TTC9: variants seen among roughly 807,000 people sequenced by gnomAD.
The protein encoded by TTC9 is tetratricopeptide repeat protein 9A.
In TTC9, 13 loss-of-function variants were observed where a neutral mutation model predicts 22.9. The ratio of observed to expected loss-of-function variants is 0.57; its 90% CI spans 0.37 to 0.90. The LOEUF (loss-of-function observed/expected upper bound fraction) is 0.90. Ranked by LOEUF, TTC9 falls within the 40% of genes least tolerant of loss-of-function variation. The pLI is 0.01. For synonymous variants in TTC9, 148 were observed against 133.2 expected (o/e 1.11, Z -0.77); for missense variants, 280 against 291.8 (o/e 0.96, Z 0.29).
At chr14:70,670,579 G>A (rs1003784404) in intron 2 of TTC9, among the ~76,000 whole-genome samples, 1 of 152,104 alleles carries the variant, frequency 6.6e-6, no homozygotes, top group African/African-American at 2.4e-5. Flanking sequence ...AACTTGAGAG[G>A]TGGAGTTTGC....
rs1886288753 is a variant in TTC9 at position 70,671,160 on chromosome 14, G to A, written c.*5G>A. On this transcript the variant is annotated 3_prime_UTR_variant, in exon 3 of 3. Coordinates refer to ENST00000256367, the MANE Select transcript of TTC9 (RefSeq NM_015351.2). ...AGAGAAAAAGAAGCCATGTAACCAG[G>A]AAGCAGCTCCAGAGCTGCGCCCACG... 1 of 1,613,204 alleles carries A rather than the reference G, an allele frequency of 6.2e-7. No individual in the cohort carries two copies. The highest frequency in any genetic ancestry group is 8.5e-7 in the Non-Finnish European group (1 of 1,179,530).
chr14:70,661,790 C>T (rs1185053341), intron 1 of TTC9, among the ~76,000 whole-genome samples: 1 of 152,126 alleles, frequency 6.6e-6, no homozygotes, highest in Non-Finnish European at 1.5e-5. Context: ...TAAACACGAC[C>T]CCTCTGTGGG....
At chr14:70,668,506 TTAG>T (rs1390623454) in intron 2 of TTC9, among the ~76,000 whole-genome samples, 2 of 152,134 alleles carry the variant, frequency 1.3e-5, no homozygotes, top group African/African-American at 2.4e-5. Flanking sequence ...AATGAAATAC[TTAG>T]TAGTAATAAA....
In TTC9 at chr14:70,673,358, C is replaced by G. The variant is rs1886322872; in HGVS notation, c.*2203C>G. ...CCCCAAAGGCTTTCAACGGGGGCTACAGGAAGGTGCTAGAAATATTGAGGG... is the reference window on the plus strand; with the variant it reads ...CCCCAAAGGCTTTCAACGGGGGCTAGAGGAAGGTGCTAGAAATATTGAGGG... On this transcript the variant is annotated 3_prime_UTR_variant, in exon 3 of 3. Transcript: ENST00000256367. 1 of 152,224 alleles carries G rather than the reference C, an allele frequency of 6.6e-6. No individual in the cohort carries two copies. The highest frequency in any genetic ancestry group is 1.5e-5 in the Non-Finnish European group (1 of 68,070). The allele number at this position is 152,224 out of a possible 1,614,324, so 9.4% of individuals were successfully genotyped here.
intron 1 of TTC9, among the ~76,000 whole-genome samples, chr14:70,646,774 T>C (rs185795768): frequency 6.6e-6 from 1 of 152,272 alleles, no homozygotes; most frequent in Admixed American, 6.5e-5. Flanking sequence ...AATTGAAGCC[T>C]TGGGATAGGG....
At chr14:70,648,252 T>A (rs575666649) in intron 1 of TTC9, among the ~76,000 whole-genome samples, 2 of 152,122 alleles carry the variant, frequency 1.3e-5, no homozygotes, top group Non-Finnish European at 2.9e-5. Context: ...ATCTTAAGGG[T>A]CAAGTAAATG....
At chr14:70,669,744 C>T (rs764839775) in intron 2 of TTC9, among the ~76,000 whole-genome samples, 3 of 152,204 alleles carry the variant, frequency 2.0e-5, no homozygotes, top group Non-Finnish European at 2.9e-5. Flanking sequence ...CTGTAAGCAG[C>T]TTGAAGACTA....
At chr14:70,663,863 G>A (rs767938258) in intron 1 of TTC9, among the ~76,000 whole-genome samples, 51 of 152,112 alleles carry the variant, frequency 3.4e-4, no homozygotes, top group Non-Finnish European at 6.2e-4. Flanking sequence ...GTGGGTTTCC[G>A]ATGGCTTCAA....
intron 1 of TTC9, among the ~76,000 whole-genome samples, chr14:70,645,722 C>G (rs940170090): frequency 1.3e-5 from 2 of 152,172 alleles, no homozygotes; most frequent in African/African-American, 4.8e-5. Flanking sequence ...GACCCTTCGA[C>G]CAGGTCTGCA....
At chr14:70,662,304 T>A (rs1019101513) in intron 1 of TTC9, among the ~76,000 whole-genome samples, 1 of 151,866 alleles carries the variant, frequency 6.6e-6, no homozygotes, top group African/African-American at 2.4e-5. Flanking sequence ...AACAGCCTCC[T>A]CTGCTCATGA....
intron 1 of TTC9, among the ~76,000 whole-genome samples, chr14:70,661,589 C>T (rs1886145442): frequency 2.0e-5 from 3 of 152,174 alleles, no homozygotes; most frequent in African/African-American, 7.2e-5. Flanking sequence ...TTATCTCATG[C>T]CAGTGGGTGG....
intron 2 of TTC9, among the ~76,000 whole-genome samples, chr14:70,668,766 A>G (rs1886250183): frequency 6.6e-6 from 1 of 150,778 alleles, no homozygotes; most frequent in Non-Finnish European, 1.5e-5. Context: ...CAGAAGGATC[A>G]CCTGAACCTG....
At chr14:70,664,634 CG>C (rs1886188011) in intron 1 of TTC9, among the ~76,000 whole-genome samples, 1 of 151,348 alleles carries the variant, frequency 6.6e-6, no homozygotes, top group Non-Finnish European at 1.5e-5. Context: ...GAGGCTGAGA[CG>C]GGAGAATTGC....
chr14:70,642,389 TGAAGGGGC>T lies in TTC9; in HGVS notation c.261_268del (p.Lys88AlafsTer52). On this transcript the variant is annotated frameshift_variant, in exon 1 of 3. Transcript: ENST00000256367. LOFTEE classifies it high-confidence loss of function. ...AAATACCACCGGGCGTTGCTGGAGC[TGAAGGGGC>T]TGCTGCCGCCCCCCGGGGAACGGGA... 1 of 1,604,146 alleles carries T rather than the reference TGAAGGGGC, an allele frequency of 6.2e-7. No homozygotes were observed. The highest frequency in any genetic ancestry group is 1.1e-5 in the South Asian group (1 of 89,368).
rs3742852 is a variant in TTC9 at position 70,642,559 on chromosome 14, G to A, written c.406+24G>A. 6.7e-4 allele frequency: 1,027 copies of A among 1,522,430 alleles called. 7 individuals are homozygous for A. In the African/African-American group the frequency reaches 0.013, roughly 20 times the overall value. 94.3% of individuals were successfully genotyped at this position (1,522,430 alleles called of 1,614,324 possible). A position where few individuals can be genotyped will look rare whatever the true frequency, so the allele number is the denominator to read the frequency against. ...AGGTGAGCCGCGCCGCGCCCCCCGC[G>A]CCGCGGTCCCCGTTCTTCGGCCCGG... On this transcript the variant is annotated intron_variant, in intron 1 of 2. Coordinates refer to ENST00000256367, the MANE Select transcript of TTC9 (RefSeq NM_015351.2).
intron 1 of TTC9, among the ~76,000 whole-genome samples, chr14:70,660,983 A>G (rs1959482): frequency 0.26 from 40,138 of 152,058 alleles, 5,492 homozygotes; most frequent in East Asian, 0.47. Flanking sequence ...CTGCTGTAAT[A>G]TCACACACTG....
In TTC9 at chr14:70,642,127, C is replaced by G; in HGVS notation, c.-3C>G. 8.8e-7 allele frequency: 1 copy of G among 1,131,892 alleles called. No individual in the cohort carries two copies. The highest frequency in any genetic ancestry group is 1.1e-6 in the Non-Finnish European group (1 of 922,122). The allele number at this position is 1,131,892 out of a possible 1,614,324, so 70.1% of individuals were successfully genotyped here. A position where few individuals can be genotyped will look rare whatever the true frequency, so the allele number is the denominator to read the frequency against. ...GCGCACCAGGCGCCGGGGCGGCGGC[C>G]GAATGGAGAGAAAGGGCTCGGCGGC... is the stretch of plus-strand genomic sequence containing the variant. On this transcript the variant is annotated 5_prime_UTR_variant, in exon 1 of 3. Transcript: ENST00000256367.
intron 1 of TTC9, among the ~76,000 whole-genome samples, chr14:70,652,255 T>G (rs1885995312): frequency 6.6e-6 from 1 of 152,236 alleles, no homozygotes; most frequent in Non-Finnish European, 1.5e-5. Context: ...CTTACTGGTA[T>G]GTGCTGACAG....
intron 2 of TTC9, among the ~76,000 whole-genome samples, chr14:70,668,876 G>T (rs1213426912): frequency 6.7e-6 from 1 of 150,238 alleles, no homozygotes; most frequent in South Asian, 2.1e-4. Context: ...AAGGAGTAAG[G>T]CTGGGCGCGG....
Sources: allele counts gnomAD v4.1 joint callset (sites outside exome capture counted in the v4.1 genomes callset), GRCh38; gene constraint gnomAD v4.1.1; transcripts MANE v1.5; gene names NCBI Gene and HGNC (gene_info 2026-07-23, HGNC 2026-07-21).